Variants in NKAIN3 observed in about 807,000 individuals in gnomAD.
The protein encoded by NKAIN3 is sodium/potassium transporting ATPase interacting 3.
A neutral mutation model predicts 30.2 loss-of-function variants in NKAIN3; 25 were observed. That is an observed-to-expected ratio of 0.83 (90% CI 0.60 to 1.16). The LOEUF (loss-of-function observed/expected upper bound fraction) is 1.16. Among genes scored for constraint, NKAIN3 ranks in the 50% most tolerant of loss-of-function variants. The pLI, the probability that NKAIN3 is intolerant of heterozygous loss-of-function variation, is 0.00. For synonymous variants in NKAIN3, 91 were observed against 89.6 expected (o/e 1.02, Z -0.09); for missense variants, 225 against 254.1 (o/e 0.89, Z 0.78).
chr8:62,552,427 G>C (rs752681441), intron 1 of NKAIN3, among the ~76,000 whole-genome samples: 2 of 152,132 alleles, frequency 1.3e-5, no homozygotes, highest in Non-Finnish European at 2.9e-5. Context: ...AAACCATAAA[G>C]AGAAAGAAAG....
At chr8:62,790,968 C>G (rs7814443) in intron 4 of NKAIN3, among the ~76,000 whole-genome samples, 130,531 of 151,954 alleles carry the variant, frequency 0.86, 56,201 homozygotes, top group Admixed American at 0.9. Flanking sequence ...ATGTTGCTCA[C>G]CTTCTCCGTA....
At chr8:62,327,433 G>A (rs1248548628) in intron 1 of NKAIN3, among the ~76,000 whole-genome samples, 1 of 151,946 alleles carries the variant, frequency 6.6e-6, no homozygotes, top group African/African-American at 2.4e-5. Context: ...TTTCTTCTAA[G>A]AATTTCATAG....
intron 3 of NKAIN3, among the ~76,000 whole-genome samples, chr8:62,738,561 T>G (rs1815751608): frequency 7.2e-6 from 1 of 138,756 alleles, no homozygotes; most frequent in African/African-American, 2.7e-5. Flanking sequence ...TTCATGCCAC[T>G]GCACTCCACC....
intron 1 of NKAIN3, among the ~76,000 whole-genome samples, chr8:62,496,074 T>C (rs1203769933): frequency 6.6e-6 from 1 of 152,140 alleles, no homozygotes; most frequent in African/African-American, 2.4e-5. Context: ...TTAGATACTT[T>C]TATTAAGATC....
intron 5 of NKAIN3, among the ~76,000 whole-genome samples, chr8:62,938,127 C>A (rs904164148): frequency 6.6e-6 from 1 of 152,048 alleles, no homozygotes; most frequent in African/African-American, 2.4e-5. Flanking sequence ...ACCCTGGTAG[C>A]CAAAGACAAA....
chr8:62,291,310 G>T (rs1313471791), intron 1 of NKAIN3, among the ~76,000 whole-genome samples: 1 of 152,100 alleles, frequency 6.6e-6, no homozygotes, highest in Non-Finnish European at 1.5e-5. Flanking sequence ...TGCTTCTCTA[G>T]TTCTTTCAAT....
At chr8:62,395,371 G>A (rs1309233511) in intron 1 of NKAIN3, among the ~76,000 whole-genome samples, 1 of 151,932 alleles carries the variant, frequency 6.6e-6, no homozygotes, top group Non-Finnish European at 1.5e-5. Flanking sequence ...GGTGGTGGTG[G>A]GGGGTGGCCC....
chr8:62,782,187 C>T (rs1284424344), intron 4 of NKAIN3, among the ~76,000 whole-genome samples: 5 of 151,818 alleles, frequency 3.3e-5, no homozygotes, highest in African/African-American at 1.2e-4. Flanking sequence ...CATCACTAAT[C>T]ATCAGAGAAA....
chr8:62,454,519 T>C (rs924472466), intron 1 of NKAIN3, among the ~76,000 whole-genome samples: 1 of 147,700 alleles, frequency 6.8e-6, no homozygotes, highest in East Asian at 2.0e-4. Context: ...AACTATACAG[T>C]GGGGTAAAAA....
At chr8:62,799,482 A>G (rs750331523) in intron 4 of NKAIN3, among the ~76,000 whole-genome samples, 2 of 152,220 alleles carry the variant, frequency 1.3e-5, no homozygotes, top group Non-Finnish European at 2.9e-5. Flanking sequence ...ATGCAAATCA[A>G]AACCACAATG....
intron 1 of NKAIN3, among the ~76,000 whole-genome samples, chr8:62,343,891 G>T (rs532870291): frequency 1.3e-5 from 2 of 152,156 alleles, no homozygotes; most frequent in African/African-American, 4.8e-5. Context: ...GTAGTATAGA[G>T]ATCACATTTT....
intron 1 of NKAIN3, among the ~76,000 whole-genome samples, chr8:62,330,768 A>C (rs1314393208): frequency 6.6e-6 from 1 of 150,870 alleles, no homozygotes; most frequent in African/African-American, 2.4e-5. Context: ...AACCCTTGCC[A>C]CCTCTTCCCT....
At chr8:62,987,924 G>C (rs967354726), downstream of NKAIN3, among the ~76,000 whole-genome samples, 1 of 152,130 alleles carries the variant, frequency 6.6e-6, no homozygotes, top group African/African-American at 2.4e-5. Context: ...TCAAAAGCAA[G>C]TTAGTTACTT....
intron 4 of NKAIN3, among the ~76,000 whole-genome samples, chr8:62,839,124 T>G (rs148386994): frequency 1.3e-5 from 2 of 152,284 alleles, no homozygotes; most frequent in African/African-American, 2.4e-5. Flanking sequence ...TTCTCTGTTA[T>G]GTTGTTTTTG....
At chr8:62,915,878 T>C (rs1053825937) in intron 4 of NKAIN3, among the ~76,000 whole-genome samples, 5 of 152,238 alleles carry the variant, frequency 3.3e-5, no homozygotes, top group African/African-American at 1.2e-4. Flanking sequence ...AAGATCAAGT[T>C]AATAAATGAG....
intron 1 of NKAIN3, among the ~76,000 whole-genome samples, chr8:62,465,643 T>C (rs1806140340): frequency 6.6e-6 from 1 of 152,208 alleles, no homozygotes. Context: ...AGTTGAACAA[T>C]GTGAAGGTGT....
chr8:62,869,936 A>T (rs899949585), intron 4 of NKAIN3, among the ~76,000 whole-genome samples: 18 of 151,378 alleles, frequency 1.2e-4, no homozygotes, highest in African/African-American at 4.4e-4. Flanking sequence ...CGCCCAGCTA[A>T]TTTTTTTGTA....
intron 1 of NKAIN3, among the ~76,000 whole-genome samples, chr8:62,385,334 G>T (rs975968988): frequency 7.2e-5 from 11 of 152,100 alleles, no homozygotes; most frequent in Non-Finnish European, 2.9e-5. Flanking sequence ...AGATTTGGAA[G>T]CCTATGGTGG....
intron 4 of NKAIN3, among the ~76,000 whole-genome samples, chr8:62,881,968 T>C (rs1040889190): frequency 2.6e-5 from 4 of 152,228 alleles, no homozygotes; most frequent in African/African-American, 9.6e-5. Flanking sequence ...TGGTATCCCA[T>C]CGTTGTTTTA....
Sources: allele counts gnomAD v4.1 joint callset (sites outside exome capture counted in the v4.1 genomes callset), GRCh38; gene constraint gnomAD v4.1.1; transcripts MANE v1.5; gene names NCBI Gene and HGNC (gene_info 2026-07-23, HGNC 2026-07-21).